The following INO80D variants were observed in gnomAD, a reference collection of about 807,000 sequenced individuals.
INO80D encodes the protein INO80 complex subunit D.
A neutral mutation model predicts 87.6 loss-of-function variants in INO80D; 21 were observed. The observed-to-expected ratio is 0.24, with a 90% CI of 0.17 to 0.35. INO80D has a LOEUF of 0.35. Ranked by LOEUF, INO80D falls within the 10% of genes least tolerant of loss-of-function variation. The pLI is 1.00. For missense variants in INO80D, 982 were observed against 1,280.7 expected (o/e 0.77, Z 3.56); for synonymous variants, 440 against 491.0 (o/e 0.90, Z 1.37).
chr2:206,037,855 GA>G (rs1454940825), intron 5 of INO80D, among the ~76,000 whole-genome samples: 3 of 152,148 alleles, frequency 2.0e-5, no homozygotes, highest in Non-Finnish European at 4.4e-5. Context: ...AATGGATAAA[GA>G]AAATGTGTTG....
intron 4 of INO80D, among the ~76,000 whole-genome samples, chr2:206,051,375 T>C (rs890386870): frequency 8.6e-5 from 13 of 152,004 alleles, no homozygotes; most frequent in Admixed American, 3.9e-4. Flanking sequence ...CAACTGTGCC[T>C]GGCTATAACA....
intron 1 of INO80D, among the ~76,000 whole-genome samples, chr2:206,081,094 CT>C (rs1690270050): frequency 6.6e-6 from 1 of 152,010 alleles, no homozygotes; most frequent in Non-Finnish European, 1.5e-5. Flanking sequence ...TTATTACCCC[CT>C]TTTACAGACG....
chr2:206,061,242 G>T (rs1356300473), intron 3 of INO80D, among the ~76,000 whole-genome samples: 1 of 151,028 alleles, frequency 6.6e-6, no homozygotes, highest in Non-Finnish European at 1.5e-5. Context: ...GAACTCCTAG[G>T]CTCAAGCGAT....
In INO80D at chr2:206,009,565, G is replaced by A. The variant is rs1001082222; in HGVS notation, c.1760+12C>T. 3 of 1,588,100 alleles carry A rather than the reference G, an allele frequency of 1.9e-6. No homozygotes were observed. In the African/African-American group the frequency reaches 4.1e-5, roughly 22 times the overall value. ...ATGTAAAGAAAAATTAGGTGCCAGT[G>A]GCACCACTGACCGGATGTGAGAGGC... On this transcript the variant is annotated intron_variant, in intron 9 of 10. Coordinates refer to ENST00000403263, the MANE Select transcript of INO80D (RefSeq NM_017759.5).
chr2:206,010,567 A>T (rs1688145417), intron 8 of INO80D, among the ~76,000 whole-genome samples: 1 of 152,198 alleles, frequency 6.6e-6, no homozygotes, highest in Non-Finnish European at 1.5e-5. Context: ...ACCTTTAATT[A>T]ATTCCCTAAT....
rs772182730 is a variant in INO80D, at chr2:206,004,845, C to T, written c.2607G>A (p.Gln869=). 6.2e-7 allele frequency: 1 copy of T among 1,614,026 alleles called. No individual in the cohort carries two copies. Among genetic ancestry groups the T allele is most frequent in the Non-Finnish European group, 8.5e-7 (1 of 1,179,888 alleles). ...CCTCAAGTTGGGTTGGGAGCAAGTG[C>T]TGCGCCATGATGGGCATCTCTGCTG... ...TFSAEMPIMA[Q]HLLPTQLEVP... is the part of the protein sequence containing the mutation. Residue 869 remains glutamine, a synonymous_variant, in exon 11 of 11, where the codon CAG becomes CAA. Transcript: ENST00000403263. This position sits in a 1 kb window ranked among gnomAD's most constrained non-coding sequence, Gnocchi z 4.9.
rs529677437 is a variant in INO80D, at chr2:206,079,002, T to C, written c.-124+6899A>G. ...TTTTATAAATCTGTTTCCTCATGTA[T>C]GAAAAGGTACTGAAGAAAAATCAGA... On this transcript the variant is annotated intron_variant, in intron 1 of 10. Coordinates refer to ENST00000403263, the MANE Select transcript of INO80D (RefSeq NM_017759.5). Among the ~76,000 whole-genome samples, 192 of 152,008 alleles carry C rather than the reference T, an allele frequency of 1.3e-3. 2 individuals carry two copies. The highest frequency in any genetic ancestry group is 6.6e-4 in the Non-Finnish European group (45 of 68,002).
At chr2:206,080,423 C>A (rs1321011969) in intron 1 of INO80D, among the ~76,000 whole-genome samples, 1 of 152,234 alleles carries the variant, frequency 6.6e-6, no homozygotes, top group African/African-American at 2.4e-5. Flanking sequence ...TTGGCCAATT[C>A]CAAATTCAAA....
chr2:206,046,546 A>C lies in INO80D; in HGVS notation c.1031T>G (p.Val344Gly). Residue 344 changes from valine to glycine, a missense_variant, in exon 5 of 11, where the codon GTT (valine) becomes GGT (glycine). Physicochemically the swap from Val to Gly is moderately radical, Grantham distance 109. Transcript: ENST00000403263. ...EDSEQASPYQ[V>G]AWSIRETLRY... ...GAGGGTTTCCCGGATGGACCATGCA[A>C]CCTGGTAGGGCGAGGCCTGCTCTGA... is the stretch of plus-strand genomic sequence containing the variant. 6.2e-7 allele frequency: 1 copy of C among 1,613,796 alleles called. No homozygotes were observed.
rs376594097 is a variant in INO80D at position 206,046,565 on chromosome 2, G to C, written c.1012C>G (p.Gln338Glu). The change falls in exon 5 of 11, where the codon CAG becomes GAG. Residue 338 changes from glutamine to glutamate, a missense_variant. Transcript: ENST00000403263. Reference sequence around the variant, plus strand: ...CATGCAACCTGGTAGGGCGAGGCCTGCTCTGAGTCCTCTGGTTCCTCTCCG... The same window carrying C: ...CATGCAACCTGGTAGGGCGAGGCCTCCTCTGAGTCCTCTGGTTCCTCTCCG... ...ESGEEPEDSE[Q>E]ASPYQVAWSI... 3.5e-5 allele frequency: 57 copies of C among 1,613,810 alleles called. No individual in the cohort carries two copies. The highest frequency in any genetic ancestry group is 4.7e-5 in the Non-Finnish European group (56 of 1,179,830).
intron 5 of INO80D, among the ~76,000 whole-genome samples, chr2:206,042,651 A>C (rs531151290): frequency 6.5e-4 from 96 of 147,310 alleles, no homozygotes; most frequent in African/African-American, 2.3e-3. Flanking sequence ...ATTGCACTCC[A>C]GCTTGTACGA....
At chr2:206,049,373 C>CACAG (rs1409182381) in intron 4 of INO80D, among the ~76,000 whole-genome samples, 1 of 152,110 alleles carries the variant, frequency 6.6e-6, no homozygotes, top group African/African-American at 2.4e-5. Context: ...ATTAAATGAT[C>CACAG]ACAGCATCAA....
intron 8 of INO80D, among the ~76,000 whole-genome samples, chr2:206,016,031 C>A (rs1688309961): frequency 6.6e-6 from 1 of 152,118 alleles, no homozygotes; most frequent in East Asian, 1.9e-4. Flanking sequence ...ACTGGGACAC[C>A]ACCTAGTGGA....
At position 206,062,912 on chromosome 2, in the gene INO80D, G is replaced by A. The variant is rs2105890852; in HGVS notation, c.105C>T (p.Phe35=). Residue 35 remains phenylalanine (F), a synonymous_variant, in exon 3 of 11, where the codon TTC becomes TTT. Transcript: ENST00000403263. The surrounding 1 kb of genome is among the most constrained non-coding windows in gnomAD (Gnocchi z 4.6). The part of the protein sequence containing the change: ...CKQRRLNGYA[F]CIRHVLEDKT... ...TGTCCTCCAGAACGTGTCTGATACA[G>A]AAGGCGTAGCCGTTGAGTCGCCTCT... is the stretch of plus-strand genomic sequence containing the variant. The A allele has an allele frequency of 6.2e-7, 1 of 1,613,386 alleles. No homozygotes were observed. The highest frequency in any genetic ancestry group is 2.2e-5 in the East Asian group (1 of 44,876).
intron 1 of INO80D, among the ~76,000 whole-genome samples, chr2:206,072,571 C>G (rs1053895443): frequency 1.2e-4 from 18 of 152,122 alleles, no homozygotes; most frequent in African/African-American, 4.3e-4. Flanking sequence ...AGCCACCGCG[C>G]CTGCCGTAAT....
intron 1 of INO80D, among the ~76,000 whole-genome samples, chr2:206,083,339 A>G (rs945918267): frequency 1.3e-5 from 2 of 152,216 alleles, no homozygotes; most frequent in African/African-American, 4.8e-5. Context: ...AAACCTTAAA[A>G]TGTTCCAAGA....
At chr2:206,067,201 C>T (rs930590203) in intron 1 of INO80D, among the ~76,000 whole-genome samples, 1 of 151,224 alleles carries the variant, frequency 6.6e-6, no homozygotes, top group African/African-American at 2.4e-5. Context: ...GAGCCAAGAT[C>T]GCACCACTGC....
At chr2:206,010,776 CA>C (rs1321804832) in intron 8 of INO80D, among the ~76,000 whole-genome samples, 9 of 151,290 alleles carry the variant, frequency 5.9e-5, no homozygotes, top group African/African-American at 2.2e-4. Flanking sequence ...TAAAACAAAC[CA>C]AAAAAAAGAG....
At position 206,019,634 on chromosome 2, in the gene INO80D, G is replaced by A. The variant is rs1384768669; in HGVS notation, c.1408+102C>T. On this transcript the variant is annotated intron_variant, in intron 7 of 10. Coordinates refer to ENST00000403263, the MANE Select transcript of INO80D (RefSeq NM_017759.5). The stretch of plus-strand genomic sequence containing the variant: ...ATAAAATTATTTTAAACATTAAACA[G>A]TTATGGTTTCAAAAGTCATTCACTT... 1.2e-5 allele frequency: 9 copies of A among 748,946 alleles called. No individual in the cohort carries two copies. In the East Asian group the frequency reaches 2.5e-4, roughly 21 times the overall value. 46.4% of individuals were successfully genotyped at this position (748,946 alleles called of 1,614,324 possible). A position where few individuals can be genotyped will look rare whatever the true frequency, so the allele number is the denominator to read the frequency against.
Sources: gnomAD v4.1 joint callset for allele counts (sites outside exome capture counted in the v4.1 genomes callset) on GRCh38, gnomAD v4.1.1 for gene constraint, Gnocchi (gnomAD v3.1) non-coding constraint, MANE v1.5 for transcripts, NCBI Gene and HGNC (gene_info 2026-07-23, HGNC 2026-07-21) for gene names.